NAF1: variants seen among roughly 807,000 people sequenced by gnomAD.
The protein encoded by NAF1 is nuclear assembly factor 1 ribonucleoprotein.
In NAF1, 11 loss-of-function variants were observed where a neutral mutation model predicts 40.6. The observed-to-expected ratio is 0.27, with a 90% CI of 0.17 to 0.45. The LOEUF (loss-of-function observed/expected upper bound fraction) is 0.45. NAF1 is among the 20% of genes least tolerant of loss of function. The pLI is 1.00. For synonymous variants in NAF1, 260 were observed against 228.5 expected (o/e 1.14, Z -1.24); for missense variants, 607 against 611.1 (o/e 0.99, Z 0.07).
At chr4:163,158,370 C>CT (rs993122744) in intron 2 of NAF1, 1 of 152,014 alleles carries the variant, frequency 6.6e-6, no homozygotes, top group African/African-American at 2.4e-5. Context: ...GGTCTGTACA[C>CT]TTTGTGTCAA....
chr4:163,149,386 G>A (rs1441722723), intron 2 of NAF1, among the ~76,000 whole-genome samples: 3 of 152,152 alleles, frequency 2.0e-5, no homozygotes, highest in East Asian at 1.9e-4. Flanking sequence ...TACTGCAGAC[G>A]AATGCATCCT....
At chr4:163,154,302 TAAC>T (rs1186068132) in intron 2 of NAF1, among the ~76,000 whole-genome samples, 2 of 152,202 alleles carry the variant, frequency 1.3e-5, no homozygotes, top group African/African-American at 2.4e-5. Context: ...CTCTTGATAG[TAAC>T]AACTCTACCT....
chr4:163,118,200 A>C (rs1490066779), intron 2 of NAF1, among the ~76,000 whole-genome samples: 1 of 152,164 alleles, frequency 6.6e-6, no homozygotes, highest in Non-Finnish European at 1.5e-5. Context: ...TAGAAACACA[A>C]AGGAGAATCC....
chr4:163,149,598 T>G (rs993061840), intron 2 of NAF1, among the ~76,000 whole-genome samples: 1 of 152,180 alleles, frequency 6.6e-6, no homozygotes, highest in Non-Finnish European at 1.5e-5. Context: ...ATGGTTAGTC[T>G]GCCTGGTGTT....
chr4:163,105,537 T>G (rs1407028760), downstream of NAF1, among the ~76,000 whole-genome samples: 1 of 152,222 alleles, frequency 6.6e-6, no homozygotes, highest in African/African-American at 2.4e-5. Context: ...AATATGAATA[T>G]CCTATCTCAT....
downstream of NAF1, among the ~76,000 whole-genome samples, chr4:163,124,239 G>C (rs11938737): frequency 0.36 from 55,033 of 152,048 alleles, 11,192 homozygotes; most frequent in East Asian, 0.63. Flanking sequence ...AAGTCAAGAT[G>C]AAGGCATTAG....
chr4:163,145,877 A>G lies in NAF1; in HGVS notation c.635-13T>C. The G allele has an allele frequency of 8.3e-7, 1 of 1,207,272 alleles. No individual in the cohort carries two copies. Among genetic ancestry groups the G allele is most frequent in the Non-Finnish European group, 1.2e-6 (1 of 834,132 alleles). The allele number at this position is 1,207,272 out of a possible 1,614,324, so 74.8% of individuals were successfully genotyped here. The stretch of plus-strand genomic sequence containing the variant: ...GATTCAATTATTACTGAAAAATAAA[A>G]TAGATTACTTCAAGATTTACTTATA... On this transcript the variant is annotated splice_polypyrimidine_tract_variant and intron_variant, in intron 3 of 7. Coordinates refer to ENST00000274054, the MANE Select transcript of NAF1 (RefSeq NM_138386.3).
At chr4:163,164,561 A>T (rs1007879167) in intron 1 of NAF1, among the ~76,000 whole-genome samples, 170 bp from the exon 2 acceptor site, 3 of 150,378 alleles carry the variant, frequency 2.0e-5, no homozygotes, top group Admixed American at 2.0e-4. Context: ...CATGTTTACT[A>T]CTGCTGTTCT....
intron 2 of NAF1, among the ~76,000 whole-genome samples, chr4:163,121,414 C>A (rs1019246899): frequency 1.3e-5 from 2 of 152,068 alleles, no homozygotes; most frequent in Non-Finnish European, 2.9e-5. Flanking sequence ...GAAAAGGACA[C>A]AAATATGTGC....
At chr4:163,165,269 C>CA (rs1732403384) in intron 1 of NAF1, among the ~76,000 whole-genome samples, 1 of 152,154 alleles carries the variant, frequency 6.6e-6, no homozygotes, top group African/African-American at 2.4e-5. Context: ...TGTTAACTGG[C>CA]AAAAAGTTGT....
At chr4:163,122,929 A>C (rs2110844688), downstream of NAF1, among the ~76,000 whole-genome samples, 1 of 152,308 alleles carries the variant, frequency 6.6e-6, no homozygotes, top group African/African-American at 2.4e-5. Flanking sequence ...AAAGCACAAA[A>C]CAGAACATGT....
In NAF1 at chr4:163,128,703, C is replaced by G; in HGVS notation, c.*194G>C. 1 of 1,123,550 alleles carries G rather than the reference C, an allele frequency of 8.9e-7. No homozygotes were observed. Among genetic ancestry groups the G allele is most frequent in the East Asian group, 3.4e-5 (1 of 29,496 alleles). The allele number at this position is 1,123,550 out of a possible 1,614,324, so 69.6% of individuals were successfully genotyped here. A position where few individuals can be genotyped will look rare whatever the true frequency, so the allele number is the denominator to read the frequency against. ...AATATTACATAATTTAATGTTCTCCCAAGAATTTGAGCTGACATTTTCATA... is the reference window on the plus strand; with the variant it reads ...AATATTACATAATTTAATGTTCTCCGAAGAATTTGAGCTGACATTTTCATA... On this transcript the variant is annotated 3_prime_UTR_variant, in exon 8 of 8. Transcript: ENST00000274054.
downstream of NAF1, among the ~76,000 whole-genome samples, chr4:163,108,108 A>G (rs879352431): frequency 2.6e-5 from 4 of 152,212 alleles, no homozygotes; most frequent in Non-Finnish European, 2.9e-5. Flanking sequence ...TAATTTGCAT[A>G]TATCAACAGC....
chr4:163,161,421 C>T (rs1270278000), intron 2 of NAF1, among the ~76,000 whole-genome samples: 2 of 151,930 alleles, frequency 1.3e-5, no homozygotes, highest in East Asian at 1.9e-4. Context: ...TACAGTGAGT[C>T]GAGATCGGCC....
At chr4:163,107,217 C>T (rs1260398469), downstream of NAF1, among the ~76,000 whole-genome samples, 1 of 152,226 alleles carries the variant, frequency 6.6e-6, no homozygotes, top group Non-Finnish European at 1.5e-5. Context: ...AAGCTCTGGA[C>T]TTCAAGTGAT....
intron 2 of NAF1, among the ~76,000 whole-genome samples, chr4:163,113,766 C>T (rs531754874): frequency 4.3e-4 from 65 of 152,318 alleles, no homozygotes; most frequent in African/African-American, 1.5e-3. Flanking sequence ...TTCTTTATTC[C>T]CACAATAATG....
the NAF1 span, among the ~76,000 whole-genome samples, chr4:163,104,933 A>G: frequency 6.6e-6 from 1 of 152,236 alleles, no homozygotes; most frequent in Non-Finnish European, 1.5e-5. Context: ...GCATTGGGAA[A>G]TTATGTTTCA....
chr4:163,104,105 T>G, the NAF1 span, among the ~76,000 whole-genome samples: 3 of 151,296 alleles, frequency 2.0e-5, no homozygotes, highest in East Asian at 5.9e-4. Context: ...AGGTGCTCAG[T>G]GGGGGAGGTT....
At chr4:163,116,616 T>C (rs1332469554) in intron 2 of NAF1, among the ~76,000 whole-genome samples, 1 of 152,188 alleles carries the variant, frequency 6.6e-6, no homozygotes, top group African/African-American at 2.4e-5. Flanking sequence ...CCTACAATAG[T>C]GGCTACAAGC....
Sources: allele counts gnomAD v4.1 joint callset (sites outside exome capture counted in the v4.1 genomes callset), GRCh38; gene constraint gnomAD v4.1.1; transcripts MANE v1.5; gene names NCBI Gene and HGNC (gene_info 2026-07-23, HGNC 2026-07-21).